Variants in TBC1D22B observed in about 807,000 individuals in gnomAD.
TBC1D22B encodes the protein chromosome 6 open reading frame 197.
Under a neutral mutation model 69.1 loss-of-function variants are expected in TBC1D22B, and 32 were observed. The observed-to-expected ratio is 0.46, with a 90% CI of 0.35 to 0.62. The LOEUF is 0.62. TBC1D22B is among the 20% of genes least tolerant of loss of function. The probability of loss-of-function intolerance (pLI) is 0.00; values close to 1 mark genes in which losing one functional copy is unlikely to be tolerated. For synonymous variants in TBC1D22B, 206 were observed against 229.8 expected (o/e 0.90, Z 0.94); for missense variants, 462 against 630.9 (o/e 0.73, Z 2.87).
intron 8 of TBC1D22B, among the ~76,000 whole-genome samples, chr6:37,294,098 T>C (rs1767279624): frequency 6.6e-6 from 1 of 152,306 alleles, no homozygotes; most frequent in African/African-American, 2.4e-5. Flanking sequence ...GTCCGGAAGA[T>C]CTAGTTAAGA....
intron 8 of TBC1D22B, among the ~76,000 whole-genome samples, chr6:37,310,153 GATATACTTACATATATTTTAAA>G (rs1431893995): frequency 1.1e-4 from 16 of 143,342 alleles, no homozygotes; most frequent in African/African-American, 4.1e-4. Flanking sequence ...TATCTATATA[GATATACTTACATATATTTTAAA>G]ATATGTATGT....
chr6:37,313,679 T>C, intron 9 of TBC1D22B, 137 bp from the exon 10 acceptor site: 4 of 816,504 alleles, frequency 4.9e-6, no homozygotes, highest in Non-Finnish European at 8.4e-6. Context: ...TAGATTTCTT[T>C]GTTTCCCAGA....
chr6:37,274,437 CCAAA>C (rs754131314), intron 2 of TBC1D22B, among the ~76,000 whole-genome samples: 1 of 152,216 alleles, frequency 6.6e-6, no homozygotes, highest in Non-Finnish European at 1.5e-5. Context: ...GTACTCATCA[CCAAA>C]CACTTTACCA....
At chr6:37,260,805 AG>A (rs767935526) in intron 1 of TBC1D22B, among the ~76,000 whole-genome samples, 16 of 152,228 alleles carry the variant, frequency 1.1e-4, no homozygotes, top group Non-Finnish European at 2.1e-4. Flanking sequence ...TCCACGCTGT[AG>A]TATGTATCAG....
intron 12 of TBC1D22B, among the ~76,000 whole-genome samples, chr6:37,329,781 T>C (rs1267899244): frequency 1.3e-5 from 2 of 152,234 alleles, no homozygotes; most frequent in Non-Finnish European, 2.9e-5. Flanking sequence ...TGATCACTTC[T>C]ACTCCTCCAT....
At chr6:37,269,442 A>G (rs1280567113) in intron 1 of TBC1D22B, 152 bp from the exon 2 acceptor site, 1 of 689,312 alleles carries the variant, frequency 1.5e-6, no homozygotes, top group Non-Finnish European at 2.5e-6. Context: ...TAACGGGTAG[A>G]TTGCTCTCTT....
chr6:37,289,877 G>A (rs1767123442), intron 7 of TBC1D22B, among the ~76,000 whole-genome samples: 1 of 152,178 alleles, frequency 6.6e-6, no homozygotes, highest in Admixed American at 6.5e-5. Flanking sequence ...AGGGTGCTAT[G>A]CCTTTTCCTC....
At chr6:37,286,618 T>C (rs1176526189) in intron 6 of TBC1D22B, among the ~76,000 whole-genome samples, 3 of 105,344 alleles carry the variant, frequency 2.8e-5, no homozygotes, top group African/African-American at 1.1e-4. Context: ...CCCAGCCAGA[T>C]GATTCCCATT....
At chr6:37,312,634 C>T (rs1365099594) in intron 8 of TBC1D22B, among the ~76,000 whole-genome samples, 17 of 152,166 alleles carry the variant, frequency 1.1e-4, no homozygotes, top group African/African-American at 2.9e-4. Context: ...TAAAACTGAA[C>T]GAACAAATGC....
intron 2 of TBC1D22B, among the ~76,000 whole-genome samples, chr6:37,269,953 C>T (rs150468788): frequency 6.6e-6 from 1 of 152,254 alleles, no homozygotes; most frequent in East Asian, 1.9e-4. Context: ...TCCCTGAAAC[C>T]AGAACATTGA....
chr6:37,290,390 C>G (rs1767138080), intron 7 of TBC1D22B, among the ~76,000 whole-genome samples: 1 of 152,122 alleles, frequency 6.6e-6, no homozygotes, highest in Non-Finnish European at 1.5e-5. Flanking sequence ...AGGATGAAAC[C>G]AGGCAATGGG....
chr6:37,298,683 C>G (rs1184206410), intron 8 of TBC1D22B, among the ~76,000 whole-genome samples: 1 of 151,702 alleles, frequency 6.6e-6, no homozygotes, highest in Non-Finnish European at 1.5e-5. Context: ...TTAGCTGGGA[C>G]TACAGGCGCC....
chr6:37,260,120 T>C (rs1299442998), intron 1 of TBC1D22B, among the ~76,000 whole-genome samples: 3 of 152,214 alleles, frequency 2.0e-5, no homozygotes, highest in African/African-American at 7.2e-5. Flanking sequence ...AAGCCTCTGG[T>C]CATAGGAGAA....
At chr6:37,285,720 T>G (rs1436184935) in intron 6 of TBC1D22B, among the ~76,000 whole-genome samples, 2 of 152,226 alleles carry the variant, frequency 1.3e-5, no homozygotes, top group African/African-American at 4.8e-5. Context: ...CTTGAACTCC[T>G]GGCCTCAGGT....
At chr6:37,295,409 T>C (rs1411034875) in intron 8 of TBC1D22B, among the ~76,000 whole-genome samples, 1 of 152,234 alleles carries the variant, frequency 6.6e-6, no homozygotes, top group African/African-American at 2.4e-5. Context: ...CCTGGCCAGA[T>C]TGACTTCATT....
intron 4 of TBC1D22B, 59 bp downstream of exon 4, chr6:37,282,423 C>A: frequency 6.7e-7 from 1 of 1,503,304 alleles, no homozygotes; most frequent in Non-Finnish European, 8.9e-7. Flanking sequence ...TTCTCAGAGA[C>A]CTGGAAGCTA....
chr6:37,269,154 G>A (rs1766401914), intron 1 of TBC1D22B, among the ~76,000 whole-genome samples: 1 of 152,126 alleles, frequency 6.6e-6, no homozygotes, highest in Non-Finnish European at 1.5e-5. Flanking sequence ...CAGTGTGTGA[G>A]TTCCTTAGGT....
chr6:37,282,499 A>C, intron 4 of TBC1D22B, 135 bp downstream of exon 4: 3 of 1,070,400 alleles, frequency 2.8e-6, no homozygotes, highest in Non-Finnish European at 3.9e-6. Context: ...TTGCAGTGAC[A>C]TGCAGGTATT....
Position 37,313,006 on chromosome 6 carries a change from G to A in TBC1D22B, c.1071G>A (p.Lys357=). 1.9e-6 allele frequency: 3 copies of A among 1,614,160 alleles called. No homozygotes were observed. The highest frequency in any genetic ancestry group is 2.5e-6 in the Non-Finnish European group (3 of 1,179,964). ...CTGACAGCTTTTGGTGCATGAGCAA[G>A]CTGCTGGATGGAATCCAGGTGAGCT... ...IEADSFWCMS[K]LLDGIQDNYT... The change falls in exon 9 of 13, where the codon AAG becomes AAA. Residue 357 remains lysine (K), a synonymous_variant. Coordinates refer to ENST00000373491, the MANE Select transcript of TBC1D22B (RefSeq NM_017772.4).
Sources: allele counts gnomAD v4.1 joint callset (sites outside exome capture counted in the v4.1 genomes callset), GRCh38; gene constraint gnomAD v4.1.1; transcripts MANE v1.5; gene names NCBI Gene and HGNC (gene_info 2026-07-23, HGNC 2026-07-21).